The following HSD17B4 variants were observed in gnomAD, a reference collection of about 807,000 sequenced individuals.
HSD17B4 encodes the protein hydroxysteroid 17-beta dehydrogenase 4.
A neutral mutation model predicts 101.0 loss-of-function variants in HSD17B4; 70 were observed. The observed-to-expected ratio is 0.69, with a 90% confidence interval of 0.57 to 0.85. HSD17B4 has a LOEUF of 0.85. Ranked by LOEUF, HSD17B4 falls within the 40% of genes least tolerant of loss-of-function variation. The pLI, the probability that HSD17B4 is intolerant of heterozygous loss-of-function variation, is 0.00. For synonymous variants in HSD17B4, 347 were observed against 297.1 expected, an observed-to-expected ratio of 1.17 and a Z score of -1.73; for missense variants, 984 against 892.4, an observed-to-expected ratio of 1.10 and a Z score of -1.31.
At chr5:119,533,272 A>G (rs1216815096) in intron 22 of HSD17B4, among the ~76,000 whole-genome samples, 1 of 140,180 alleles carries the variant, frequency 7.1e-6, no homozygotes, top group African/African-American at 2.7e-5. Context: ...GACTACAAAT[A>G]TGCATTGACA....
intron 14 of HSD17B4, among the ~76,000 whole-genome samples, chr5:119,504,989 C>T (rs1443666766): frequency 1.3e-5 from 2 of 152,124 alleles, no homozygotes. Context: ...TATCTCAGCA[C>T]CGTTTATTGA....
At position 119,526,036 on chromosome 5, in the gene HSD17B4, T is replaced by C; in HGVS notation, c.1680+13T>C. On this transcript the variant is annotated intron_variant, in intron 19 of 23. Transcript: ENST00000510025. ...CAAGGCAATTAAGGTAAATGTGTAT[T>C]ACTACGTAATTTGAATATTACTTCC... 7.4e-7 allele frequency: 1 copy of C among 1,347,564 alleles called. No homozygotes were observed. Among genetic ancestry groups the C allele is most frequent in the Non-Finnish European group, 1.1e-6 (1 of 936,326 alleles). 83.5% of individuals were successfully genotyped at this position (1,347,564 alleles called of 1,614,324 possible).
intron 2 of HSD17B4, 108 bp downstream of exon 2, chr5:119,456,476 TATTA>T: frequency 1.2e-6 from 1 of 826,736 alleles, no homozygotes; most frequent in Non-Finnish European, 2.1e-6. Context: ...TGAATTTTAT[TATTA>T]ATTTTTACTT....
intron 16 of HSD17B4, among the ~76,000 whole-genome samples, chr5:119,510,340 C>G (rs554887135): frequency 6.6e-6 from 1 of 152,134 alleles, no homozygotes; most frequent in African/African-American, 2.4e-5. Context: ...AAGTATTTCT[C>G]TTATGCAAGA....
chr5:119,462,078 A>G (rs1419851212), intron 2 of HSD17B4, among the ~76,000 whole-genome samples: 2 of 152,140 alleles, frequency 1.3e-5, no homozygotes, highest in African/African-American at 4.8e-5. Context: ...ACTAGATTTT[A>G]TATGGAAAAT....
chr5:119,477,379 T>C (rs1349076972), intron 6 of HSD17B4, 38 bp from the exon 7 acceptor site: 2 of 1,419,552 alleles, frequency 1.4e-6, no homozygotes, highest in South Asian at 2.4e-5. Flanking sequence ...TGCCTAAGTT[T>C]TTACAAAATA....
Position 119,462,248 on chromosome 5 carries a change from ATTTTTTTTTTTTTTTTTT to A in HSD17B4, c.112+5898_112+5915del, listed in dbSNP as rs10524491. 6.2e-3 allele frequency among the ~76,000 whole-genome samples: 185 copies of A among 30,068 alleles called. 1 individual carries two copies. The highest frequency in any genetic ancestry group is 0.01 in the Non-Finnish European group (128 of 12,674). 19.7% of individuals were successfully genotyped at this position (30,068 alleles called of 152,430 possible). On this transcript the variant is annotated intron_variant, in intron 2 of 23. Coordinates refer to ENST00000510025, the MANE Select transcript of HSD17B4 (RefSeq NM_000414.4). The stretch of plus-strand genomic sequence containing the variant: ...TTCATATCCTCCCCCAACAAATGTG[ATTTTTTTTTTTTTTTTTT>A]TTTTTTTTTTTTTTTTTGCTTAGTG...
intron 2 of HSD17B4, among the ~76,000 whole-genome samples, chr5:119,470,083 A>G (rs1358747866): frequency 2.6e-5 from 4 of 152,056 alleles, no homozygotes; most frequent in Admixed American, 6.5e-5. Flanking sequence ...TAGATAGGTC[A>G]TGGTTGCTTG....
intron 8 of HSD17B4, among the ~76,000 whole-genome samples, chr5:119,484,663 T>C (rs552962767): frequency 2.0e-5 from 3 of 152,268 alleles, no homozygotes; most frequent in African/African-American, 7.2e-5. Flanking sequence ...AATAAGCTAC[T>C]CCATGGAACA....
chr5:119,482,701 G>C (rs1185502366), intron 8 of HSD17B4, among the ~76,000 whole-genome samples: 3 of 151,828 alleles, frequency 2.0e-5, no homozygotes, highest in Non-Finnish European at 4.4e-5. Flanking sequence ...TGTTGTCTTT[G>C]AGTTTCCTTA....
At chr5:119,492,056 A>G (rs1750156870) in intron 9 of HSD17B4, 44 bp from the exon 10 acceptor site, 1 of 1,520,568 alleles carries the variant, frequency 6.6e-7, no homozygotes, top group Non-Finnish European at 9.1e-7. Context: ...TGTATTAGTG[A>G]TTTCACATTA....
At chr5:119,502,127 A>G (rs1269555027) in intron 14 of HSD17B4, 35 bp downstream of exon 14, 1 of 1,326,902 alleles carries the variant, frequency 7.5e-7, no homozygotes, top group Non-Finnish European at 1.1e-6. Context: ...ATAATACCAT[A>G]CTTTTATTTC....
intron 1 of HSD17B4, among the ~76,000 whole-genome samples, chr5:119,454,150 T>A (rs1271060717): frequency 6.6e-6 from 1 of 152,232 alleles, no homozygotes; most frequent in African/African-American, 2.4e-5. Context: ...CAATGCATCC[T>A]GAAATTTATT....
intron 2 of HSD17B4, among the ~76,000 whole-genome samples, chr5:119,463,655 CTTTTTTTTTTTTT>C (rs57252147): frequency 0.2 from 6,208 of 30,322 alleles, 731 homozygotes; most frequent in African/African-American, 0.42. Context: ...ATTTATATGT[CTTTTTTTTTTTTT>C]TTTTTTTTTT....
chr5:119,506,968 T>C, intron 15 of HSD17B4, 79 bp downstream of exon 15: 1 of 728,928 alleles, frequency 1.4e-6, no homozygotes, highest in East Asian at 2.8e-5. Flanking sequence ...ACCATAGAAG[T>C]TGATTAATAA....
intron 17 of HSD17B4, among the ~76,000 whole-genome samples, chr5:119,524,422 A>G (rs1286810722): frequency 6.6e-6 from 1 of 152,194 alleles, no homozygotes; most frequent in Non-Finnish European, 1.5e-5. Flanking sequence ...AAAACAGCAC[A>G]GCAATTAATG....
intron 12 of HSD17B4, among the ~76,000 whole-genome samples, chr5:119,498,813 G>C (rs550874558): frequency 6.6e-6 from 1 of 152,204 alleles, no homozygotes; most frequent in African/African-American, 2.4e-5. Context: ...CTGAGAGGCA[G>C]AGGTTGCAGT....
At chr5:119,503,707 G>T (rs1299735611) in intron 14 of HSD17B4, among the ~76,000 whole-genome samples, 1 of 151,548 alleles carries the variant, frequency 6.6e-6, no homozygotes, top group African/African-American at 2.4e-5. Flanking sequence ...CCACTAGAAG[G>T]AGTGAAGGAA....
rs1362447691 is a variant in HSD17B4 at position 119,479,735 on chromosome 5, C to T, written c.622+714C>T. 2.6e-5 allele frequency among the ~76,000 whole-genome samples: 4 copies of T among 152,054 alleles called. No homozygotes were observed. The East Asian group carries it at 7.7e-4, about 29-fold the overall frequency. On this transcript the variant is annotated intron_variant, in intron 8 of 23. Coordinates refer to ENST00000510025, the MANE Select transcript of HSD17B4 (RefSeq NM_000414.4). Reference sequence around the variant, plus strand: ...ATGTACTACAATTTGTTTATTCATACACCTATTGGGGGAGATCTTGGTTGC... The same window carrying T: ...ATGTACTACAATTTGTTTATTCATATACCTATTGGGGGAGATCTTGGTTGC...
Sources: gnomAD v4.1 joint callset for allele counts (sites outside exome capture counted in the v4.1 genomes callset) on GRCh38, gnomAD v4.1.1 for gene constraint, MANE v1.5 for transcripts, NCBI Gene and HGNC (gene_info 2026-07-23, HGNC 2026-07-21) for gene names.